SNX24: variants seen among roughly 807,000 people sequenced by gnomAD.
SNX24 encodes sorting nexin-24.
In SNX24, 22 loss-of-function variants were observed where a neutral mutation model predicts 28.7. The observed-to-expected ratio is 0.77, with a 90% CI of 0.55 to 1.10. SNX24 has a LOEUF of 1.10. Among genes scored for constraint, SNX24 ranks in the 50% least tolerant of loss-of-function variants. The pLI, the probability that SNX24 is intolerant of heterozygous loss-of-function variation, is 0.00. For synonymous variants in SNX24, 69 were observed against 71.5 expected, an observed-to-expected ratio of 0.96 and a Z score of 0.18; for missense variants, 221 against 201.1, an observed-to-expected ratio of 1.10 and a Z score of -0.60.
intron 1 of SNX24, among the ~76,000 whole-genome samples, chr5:122,913,867 G>A (rs1393430039): frequency 6.6e-6 from 1 of 152,220 alleles, no homozygotes; most frequent in Non-Finnish European, 1.5e-5. Context: ...TGGCACCTTG[G>A]GAGGCCGAGG....
chr5:122,967,872 G>T (rs1266845434), intron 3 of SNX24, among the ~76,000 whole-genome samples: 1 of 152,182 alleles, frequency 6.6e-6, no homozygotes, highest in Non-Finnish European at 1.5e-5. Context: ...TAGCACCTGC[G>T]CTGTCGCTTC....
intron 1 of SNX24, among the ~76,000 whole-genome samples, chr5:122,874,499 C>T (rs1413919868): frequency 6.6e-6 from 1 of 152,122 alleles, no homozygotes; most frequent in African/African-American, 2.4e-5. Context: ...ATTGGCTAAC[C>T]AAGGTGGGAG....
Position 123,008,728 on chromosome 5 carries a change from A to C in SNX24, c.*979A>C, listed in dbSNP as rs1762497200. The C allele has an allele frequency of 2.5e-6, 1 of 395,056 alleles. No individual in the cohort carries two copies. The highest frequency in any genetic ancestry group is 1.0e-4 in the South Asian group (1 of 9,632). 24.5% of individuals were successfully genotyped at this position (395,056 alleles called of 1,614,324 possible). ...TGCATTCATTTTAGGTGGGATCGCCACAGGATTTCATGTTATTTTCCTTAC... is the reference window on the plus strand; with the variant it reads ...TGCATTCATTTTAGGTGGGATCGCCCCAGGATTTCATGTTATTTTCCTTAC... On this transcript the variant is annotated 3_prime_UTR_variant, in exon 7 of 7. Transcript: ENST00000261369.
Position 122,966,540 on chromosome 5 carries a change from A to G in SNX24, c.249+20381A>G, listed in dbSNP as rs577614357. On this transcript the variant is annotated intron_variant, in intron 3 of 6. Coordinates refer to ENST00000261369, the MANE Select transcript of SNX24 (RefSeq NM_014035.4). ...CTTTATTTACAAAGGCAGCAGCCAGACCTAATTTGGCTGTTAGGCTGTAAT... is the reference window on the plus strand; with the variant it reads ...CTTTATTTACAAAGGCAGCAGCCAGGCCTAATTTGGCTGTTAGGCTGTAAT... Among the ~76,000 whole-genome samples, 5 of 152,318 alleles carry G rather than the reference A, an allele frequency of 3.3e-5. No individual in the cohort carries two copies. In the South Asian group the frequency reaches 1.0e-3, roughly 32 times the overall value.
chr5:122,918,685 GA>G (rs1190575997), intron 1 of SNX24, among the ~76,000 whole-genome samples: 105 of 152,240 alleles, frequency 6.9e-4, no homozygotes, highest in African/African-American at 2.5e-3. Context: ...ATGTGGTGAT[GA>G]TCTAATTTAA....
intron 1 of SNX24, among the ~76,000 whole-genome samples, chr5:122,920,059 C>G (rs940307736): frequency 3.3e-5 from 5 of 152,146 alleles, no homozygotes; most frequent in African/African-American, 1.2e-4. Context: ...GAGGAAACAT[C>G]TAGAAAGTAG....
At chr5:122,891,699 A>T (rs1324266906) in intron 1 of SNX24, among the ~76,000 whole-genome samples, 1 of 152,016 alleles carries the variant, frequency 6.6e-6, no homozygotes, top group Non-Finnish European at 1.5e-5. Flanking sequence ...AATTACATTG[A>T]CTCTGGTCTG....
chr5:122,983,776 T>A lies in SNX24; in HGVS notation c.250-16136T>A, dbSNP rs546116744. Among the ~76,000 whole-genome samples, 586 of 152,264 alleles carry A rather than the reference T, an allele frequency of 3.8e-3. 4 individuals carry two copies. Among genetic ancestry groups the A allele is most frequent in the African/African-American group, 0.013 (543 of 41,552 alleles). On this transcript the variant is annotated intron_variant, in intron 3 of 6. Transcript: ENST00000261369. Reference sequence around the variant, plus strand: ...TGTGCAACCATGCCCTGTTAATTTTTAAAAAAATTTGTAGAGATGAGGTCT... The same window carrying A: ...TGTGCAACCATGCCCTGTTAATTTTAAAAAAAATTTGTAGAGATGAGGTCT...
At chr5:122,992,218 AAG>A (rs895277912) in intron 3 of SNX24, among the ~76,000 whole-genome samples, 4 of 152,310 alleles carry the variant, frequency 2.6e-5, no homozygotes, top group Admixed American at 6.5e-5. Context: ...GAGATAGCCA[AAG>A]AGAGGATTTA....
intron 5 of SNX24, among the ~76,000 whole-genome samples, chr5:123,025,032 T>C (rs1281102983): frequency 1.3e-5 from 2 of 152,358 alleles, no homozygotes; most frequent in Admixed American, 6.5e-5. Flanking sequence ...ATTCAAATTC[T>C]CTTCAATAAT....
At chr5:122,846,574 C>G (rs1215803721) in intron 1 of SNX24, among the ~76,000 whole-genome samples, 3 of 152,216 alleles carry the variant, frequency 2.0e-5, no homozygotes, top group Non-Finnish European at 4.4e-5. Flanking sequence ...ACACCAGTTA[C>G]ATTACTTTGA....
chr5:122,982,640 C>G (rs1298262378), intron 3 of SNX24, among the ~76,000 whole-genome samples: 2 of 152,126 alleles, frequency 1.3e-5, no homozygotes, highest in African/African-American at 4.8e-5. Flanking sequence ...TTAGGTTGGC[C>G]TTTTAGATAC....
intron 1 of SNX24, among the ~76,000 whole-genome samples, chr5:122,930,583 TC>T (rs1758907474): frequency 1.3e-5 from 2 of 152,290 alleles, no homozygotes; most frequent in South Asian, 2.1e-4. Context: ...GTCTTGTTTT[TC>T]CCTGGGATAT....
chr5:123,024,325 G>A (rs1762818794), intron 5 of SNX24, among the ~76,000 whole-genome samples: 1 of 152,136 alleles, frequency 6.6e-6, no homozygotes, highest in Non-Finnish European at 1.5e-5. Context: ...CCCAGCTCTA[G>A]TAAAAGGCAT....
intron 1 of SNX24, among the ~76,000 whole-genome samples, chr5:122,921,250 T>A (rs1461333777): frequency 6.6e-6 from 1 of 152,176 alleles, no homozygotes; most frequent in African/African-American, 2.4e-5. Context: ...AGCTTGCCTC[T>A]CTGAAATTTT....
intron 1 of SNX24, among the ~76,000 whole-genome samples, chr5:122,907,385 A>G (rs2150085451): frequency 6.6e-6 from 1 of 152,312 alleles, no homozygotes; most frequent in East Asian, 1.9e-4. Context: ...ATATGGGGGA[A>G]CACTCCCTCC....
intron 6 of SNX24, among the ~76,000 whole-genome samples, chr5:123,005,749 C>T (rs982785045): frequency 1.3e-5 from 2 of 152,120 alleles, no homozygotes; most frequent in Non-Finnish European, 2.9e-5. Context: ...TTTTAATATC[C>T]TTCTATGTGG....
At chr5:122,934,911 T>G (rs1488401869) in intron 1 of SNX24, among the ~76,000 whole-genome samples, 3 of 152,064 alleles carry the variant, frequency 2.0e-5, no homozygotes, top group African/African-American at 7.2e-5. Flanking sequence ...CTGTGGAACT[T>G]GGTAATGGAA....
intron 1 of SNX24, among the ~76,000 whole-genome samples, chr5:122,859,396 G>A (rs1237694471): frequency 6.6e-6 from 1 of 152,052 alleles, no homozygotes; most frequent in Non-Finnish European, 1.5e-5. Context: ...TTGAGCCCAG[G>A]GATTTGAGGA....
Sources: gnomAD v4.1 joint callset for allele counts (sites outside exome capture counted in the v4.1 genomes callset) on GRCh38, gnomAD v4.1.1 for gene constraint, MANE v1.5 for transcripts, NCBI Gene and HGNC (gene_info 2026-07-23, HGNC 2026-07-21) for gene names.